Variants in RASGEF1C observed in about 807,000 individuals in gnomAD.
The protein encoded by RASGEF1C is ras-GEF domain-containing family member 1C.
A neutral mutation model predicts 58.1 loss-of-function variants in RASGEF1C; 27 were observed. The observed-to-expected ratio is 0.46, with a 90% CI of 0.34 to 0.64. The LOEUF is 0.64. RASGEF1C is among the 30% of genes least tolerant of loss of function. RASGEF1C has a pLI of 0.01. For synonymous variants in RASGEF1C, 243 were observed against 246.3 expected, an observed-to-expected ratio of 0.99 and a Z score of 0.13; for missense variants, 502 against 605.1, an observed-to-expected ratio of 0.83 and a Z score of 1.79.
At chr5:180,205,790 C>T (rs535526414) in intron 1 of RASGEF1C, among the ~76,000 whole-genome samples, 5 of 151,854 alleles carry the variant, frequency 3.3e-5, no homozygotes, top group African/African-American at 4.8e-5. Context: ...TGCAGGGGTA[C>T]AATCTCAGCT....
chr5:180,123,325 G>A (rs1463475022), intron 6 of RASGEF1C, among the ~76,000 whole-genome samples: 1 of 152,138 alleles, frequency 6.6e-6, no homozygotes, highest in Non-Finnish European at 1.5e-5. Flanking sequence ...AGTAGCTTAG[G>A]GAGATTGAAA....
rs375955878 is a variant in RASGEF1C at position 180,137,217 on chromosome 5, G to A, written c.300+373C>T. ...ACTAGCGGTAGAGCCCTACCGACGC[G>A]TGTGCAATAGAGGCAGCCCGCAGGA... On this transcript the variant is annotated intron_variant, in intron 3 of 13. Coordinates refer to ENST00000361132, the MANE Select transcript of RASGEF1C (RefSeq NM_175062.4). The surrounding 1 kb of genome is among the most constrained non-coding windows in gnomAD (Gnocchi z 4.1). 1.3e-5 allele frequency among the ~76,000 whole-genome samples: 2 copies of A among 152,128 alleles called. No homozygotes were observed. The highest frequency in any genetic ancestry group is 2.9e-5 in the Non-Finnish European group (2 of 68,020).
At chr5:180,133,175 A>G (rs556113447) in intron 4 of RASGEF1C, among the ~76,000 whole-genome samples, 1 of 152,116 alleles carries the variant, frequency 6.6e-6, no homozygotes, top group Non-Finnish European at 1.5e-5. Context: ...CTGGGCTGCC[A>G]TGACACTCCT....
chr5:180,109,388 G>A (rs1462567839), intron 12 of RASGEF1C, among the ~76,000 whole-genome samples: 1 of 152,182 alleles, frequency 6.6e-6, no homozygotes, highest in African/African-American at 2.4e-5. Context: ...AACCCGGGAG[G>A]CGGAGCTTGC....
At chr5:180,169,297 C>T (rs1767066368) in intron 1 of RASGEF1C, among the ~76,000 whole-genome samples, 1 of 152,198 alleles carries the variant, frequency 6.6e-6, no homozygotes, top group South Asian at 2.1e-4. Context: ...ATCTAACTCC[C>T]TGCTGGCTGC....
At chr5:180,180,057 C>T (rs1046207149) in intron 1 of RASGEF1C, among the ~76,000 whole-genome samples, 2 of 152,216 alleles carry the variant, frequency 1.3e-5, no homozygotes, top group African/African-American at 2.4e-5. Context: ...GCCAGGGCCA[C>T]CCCAAGCCCT....
At chr5:180,136,777 G>A in intron 3 of RASGEF1C, 1 of 493,926 alleles carries the variant, frequency 2.0e-6, no homozygotes, top group Non-Finnish European at 3.6e-6. Flanking sequence ...TCTTCGCGCT[G>A]CGGGGAGTGG....
chr5:180,107,627 G>A (rs890215677), intron 12 of RASGEF1C, among the ~76,000 whole-genome samples: 8 of 150,274 alleles, frequency 5.3e-5, no homozygotes, highest in Non-Finnish European at 1.0e-4. Context: ...TTTTTTCTTT[G>A]AGACAGAGTC....
At chr5:180,186,713 C>T (rs1425528809) in intron 1 of RASGEF1C, among the ~76,000 whole-genome samples, 1 of 152,138 alleles carries the variant, frequency 6.6e-6, no homozygotes, top group Non-Finnish European at 1.5e-5. Flanking sequence ...CGCTTGTAAT[C>T]CCAGGACTTT....
intron 4 of RASGEF1C, among the ~76,000 whole-genome samples, chr5:180,131,307 C>A (rs1561737977): frequency 6.6e-6 from 1 of 152,158 alleles, no homozygotes; most frequent in Non-Finnish European, 1.5e-5. Context: ...CCCTTGCTCC[C>A]CTTCTGTGCT....
At chr5:180,171,745 C>T (rs887334582) in intron 1 of RASGEF1C, among the ~76,000 whole-genome samples, 2 of 152,254 alleles carry the variant, frequency 1.3e-5, no homozygotes, top group Non-Finnish European at 2.9e-5. Context: ...TGGAGAACAG[C>T]GAATGCGTAG....
At chr5:180,196,166 G>C (rs1756272735) in intron 1 of RASGEF1C, among the ~76,000 whole-genome samples, 1 of 150,540 alleles carries the variant, frequency 6.6e-6, no homozygotes, top group Admixed American at 6.6e-5. Context: ...TTCTGTTTGG[G>C]AAGCCTATTA....
intron 1 of RASGEF1C, among the ~76,000 whole-genome samples, chr5:180,190,940 T>G (rs1021051149): frequency 1.3e-5 from 2 of 152,098 alleles, no homozygotes; most frequent in Non-Finnish European, 2.9e-5. Flanking sequence ...AAAAGAACCC[T>G]CAGAAAACAA....
chr5:180,169,312 C>T (rs1445656705), intron 1 of RASGEF1C, among the ~76,000 whole-genome samples: 1 of 152,176 alleles, frequency 6.6e-6, no homozygotes, highest in East Asian at 1.9e-4. Flanking sequence ...GGCTGCGCCC[C>T]GAACAGGCCA....
chr5:180,192,681 C>A (rs6859090), intron 1 of RASGEF1C, among the ~76,000 whole-genome samples: 1 of 151,302 alleles, frequency 6.6e-6, no homozygotes, highest in Admixed American at 6.6e-5. Context: ...AGTGACTATA[C>A]GTAGAAATGA....
At chr5:180,196,057 A>AT (rs1160475299) in intron 1 of RASGEF1C, among the ~76,000 whole-genome samples, 4 of 152,194 alleles carry the variant, frequency 2.6e-5, no homozygotes, top group African/African-American at 7.2e-5. Context: ...CATACTTACC[A>AT]TTTTTTTGTC....
intron 12 of RASGEF1C, among the ~76,000 whole-genome samples, chr5:180,110,938 C>A (rs1219394006): frequency 6.6e-6 from 1 of 152,072 alleles, no homozygotes; most frequent in Non-Finnish European, 1.5e-5. Flanking sequence ...GCCTCAGCCT[C>A]CTGAGTAGCT....
chr5:180,113,249 G>C (rs1380569933), intron 11 of RASGEF1C, among the ~76,000 whole-genome samples: 1,242 of 43,998 alleles, frequency 0.028, 273 homozygotes, highest in Non-Finnish European at 0.042. Context: ...CGGAGGGACC[G>C]AGGATGGACG....
chr5:180,101,806 C>T (rs1765788708), intron 13 of RASGEF1C, among the ~76,000 whole-genome samples: 1 of 152,222 alleles, frequency 6.6e-6, no homozygotes, highest in African/African-American at 2.4e-5. Flanking sequence ...GTCCCTGGGA[C>T]ATGCATCTTG....
Sources: gnomAD v4.1 joint callset for allele counts (sites outside exome capture counted in the v4.1 genomes callset) on GRCh38, gnomAD v4.1.1 for gene constraint, Gnocchi (gnomAD v3.1) non-coding constraint, MANE v1.5 for transcripts, NCBI Gene and HGNC (gene_info 2026-07-23, HGNC 2026-07-21) for gene names.